The following RAB3C variants were observed in gnomAD, a reference collection of about 807,000 sequenced individuals.
RAB3C encodes the protein RAB3C, member RAS oncogene family.
RAB3C carries 17 observed loss-of-function variants against 26.4 expected under a neutral mutation model. The ratio of observed to expected loss-of-function variants is 0.64; its 90% CI spans 0.44 to 0.97. RAB3C has a LOEUF of 0.97. RAB3C is among the 50% of genes least tolerant of loss of function. The pLI, the probability that RAB3C is intolerant of heterozygous loss-of-function variation, is 0.00. For missense variants in RAB3C, 242 were observed against 281.9 expected (o/e 0.86, Z 1.01); for synonymous variants, 91 against 95.9 (o/e 0.95, Z 0.30).
intron 2 of RAB3C, among the ~76,000 whole-genome samples, chr5:58,678,779 T>C (rs1395185231): frequency 6.6e-6 from 1 of 152,224 alleles, no homozygotes; most frequent in Non-Finnish European, 1.5e-5. Context: ...AATTGTAACT[T>C]CTTTTTGAAA....
chr5:58,845,612 A>ATATATATATATATATGTGTGTGTG lies in RAB3C; in HGVS notation c.497-5551_497-5550insATATATATATATATGTGTGTGTGT. Among the ~76,000 whole-genome samples, 409 of 81,458 alleles carry ATATATATATATATATGTGTGTGTG rather than the reference A, an allele frequency of 5.0e-3. 13 individuals carry two copies. Among genetic ancestry groups the ATATATATATATATATGTGTGTGTG allele is most frequent in the Middle Eastern group, 0.02 (2 of 98 alleles). 53.4% of individuals were successfully genotyped at this position (81,458 alleles called of 152,430 possible). ...ATTCTTACTATATATATATATATAT[A>ATATATATATATATATGTGTGTGTG]TGTGTGTGTGTGTGTGTGTATATGT... On this transcript the variant is annotated intron_variant, in intron 4 of 4. Transcript: ENST00000282878.
chr5:58,614,974 C>T (rs1219740028), intron 1 of RAB3C, among the ~76,000 whole-genome samples: 1 of 151,972 alleles, frequency 6.6e-6, no homozygotes, highest in Non-Finnish European at 1.5e-5. Flanking sequence ...TTAAACTGTA[C>T]AGGAGAATAT....
intron 3 of RAB3C, among the ~76,000 whole-genome samples, chr5:58,814,065 G>A (rs1462909676): frequency 6.6e-6 from 1 of 152,124 alleles, no homozygotes; most frequent in African/African-American, 2.4e-5. Context: ...CTGACAGTGG[G>A]ATCTCAAAAG....
At chr5:58,599,215 C>G (rs979859867) in intron 1 of RAB3C, among the ~76,000 whole-genome samples, 1 of 152,076 alleles carries the variant, frequency 6.6e-6, no homozygotes, top group African/African-American at 2.4e-5. Flanking sequence ...TCTGCATGCA[C>G]GTAACTTTAG....
intron 4 of RAB3C, among the ~76,000 whole-genome samples, chr5:58,844,817 TCA>T (rs1284306336): frequency 1.3e-5 from 2 of 152,174 alleles, no homozygotes; most frequent in African/African-American, 4.8e-5. Context: ...AAAAAAAATA[TCA>T]CTTGTGATTT....
chr5:58,826,144 G>A (rs1252272017), intron 4 of RAB3C, among the ~76,000 whole-genome samples: 1 of 152,070 alleles, frequency 6.6e-6, no homozygotes, highest in Non-Finnish European at 1.5e-5. Flanking sequence ...TGTGATGGGA[G>A]GAAGATAAAG....
chr5:58,716,675 C>T (rs1044389697), intron 2 of RAB3C, among the ~76,000 whole-genome samples: 4 of 151,810 alleles, frequency 2.6e-5, no homozygotes, highest in Non-Finnish European at 5.9e-5. Flanking sequence ...AAAGCCTAAA[C>T]TTGTGGTATA....
At chr5:58,842,934 C>A (rs891316903) in intron 4 of RAB3C, among the ~76,000 whole-genome samples, 2 of 152,104 alleles carry the variant, frequency 1.3e-5, no homozygotes, top group African/African-American at 4.8e-5. Context: ...GTAAATGAAG[C>A]CAACAGCTAG....
At chr5:58,736,400 C>T (rs1741136037) in intron 3 of RAB3C, among the ~76,000 whole-genome samples, 1 of 152,202 alleles carries the variant, frequency 6.6e-6, no homozygotes, top group Non-Finnish European at 1.5e-5. Flanking sequence ...GCATACTTGA[C>T]CTCACCAGTA....
chr5:58,598,664 C>G (rs1430463815), intron 1 of RAB3C, among the ~76,000 whole-genome samples: 1 of 152,104 alleles, frequency 6.6e-6, no homozygotes, highest in Non-Finnish European at 1.5e-5. Flanking sequence ...TCACAGAACA[C>G]TTCTATCTAA....
chr5:58,602,908 C>G (rs1051959227), intron 1 of RAB3C, among the ~76,000 whole-genome samples: 4 of 151,866 alleles, frequency 2.6e-5, no homozygotes, highest in African/African-American at 7.3e-5. Flanking sequence ...TTTATAGGTC[C>G]TGTGTGATTT....
chr5:58,797,261 A>G (rs1482605951), intron 3 of RAB3C, among the ~76,000 whole-genome samples: 1 of 150,172 alleles, frequency 6.7e-6, no homozygotes, highest in Non-Finnish European at 1.5e-5. Flanking sequence ...GAGAGAGTTA[A>G]TGTGCTTCCC....
At chr5:58,597,795 ACATGTAATACAT>A in intron 1 of RAB3C, among the ~76,000 whole-genome samples, 1 of 107,810 alleles carries the variant, frequency 9.3e-6, no homozygotes, top group African/African-American at 3.8e-5. Context: ...TAAGTATATA[ACATGTAATACAT>A]TATATATAAG....
intron 2 of RAB3C, among the ~76,000 whole-genome samples, chr5:58,695,512 G>C: frequency 6.6e-6 from 1 of 152,138 alleles, no homozygotes; most frequent in South Asian, 2.1e-4. Context: ...ATTACTTTGG[G>C]CAATATGGCC....
chr5:58,631,066 C>G (rs1010165732), intron 2 of RAB3C, among the ~76,000 whole-genome samples: 1 of 152,168 alleles, frequency 6.6e-6, no homozygotes, highest in Non-Finnish European at 1.5e-5. Flanking sequence ...TCAGCAGTAT[C>G]TGAGTGAGAG....
intron 2 of RAB3C, among the ~76,000 whole-genome samples, chr5:58,701,982 A>T (rs951054332): frequency 1.3e-5 from 2 of 152,202 alleles, no homozygotes; most frequent in Non-Finnish European, 2.9e-5. Flanking sequence ...GAGAGCCATC[A>T]TTCAGAACTC....
chr5:58,754,258 A>T (rs1741597444), intron 3 of RAB3C, among the ~76,000 whole-genome samples: 1 of 152,194 alleles, frequency 6.6e-6, no homozygotes, highest in Non-Finnish European at 1.5e-5. Flanking sequence ...GTCATTAACA[A>T]AGGTCTTGTG....
At chr5:58,697,975 G>A (rs1397025186) in intron 2 of RAB3C, among the ~76,000 whole-genome samples, 1 of 152,100 alleles carries the variant, frequency 6.6e-6, no homozygotes, top group African/African-American at 2.4e-5. Flanking sequence ...GATGTTAGCT[G>A]GTTATTTTGT....
chr5:58,769,242 C>T (rs570626604), intron 3 of RAB3C, among the ~76,000 whole-genome samples: 1 of 152,046 alleles, frequency 6.6e-6, no homozygotes, highest in East Asian at 1.9e-4. Context: ...GGACAGCTCA[C>T]ATTTGAAATT....
Sources: allele counts gnomAD v4.1 joint callset (sites outside exome capture counted in the v4.1 genomes callset), GRCh38; gene constraint gnomAD v4.1.1; transcripts MANE v1.5; gene names NCBI Gene and HGNC (gene_info 2026-07-23, HGNC 2026-07-21).